The following BMPER variants were observed in gnomAD, a reference collection of about 807,000 sequenced individuals.
BMPER encodes the protein BMP-binding endothelial regulator protein.
In BMPER, 45 loss-of-function variants were observed where a neutral mutation model predicts 87.3. The ratio of observed to expected loss-of-function variants is 0.52; its 90% CI spans 0.41 to 0.66. BMPER has a LOEUF of 0.66. Ranked by LOEUF, BMPER falls within the 30% of genes least tolerant of loss-of-function variation. The probability of loss-of-function intolerance (pLI) is 0.00; values close to 1 mark genes in which losing one functional copy is unlikely to be tolerated. For missense variants in BMPER, 784 were observed against 867.5 expected (o/e 0.90, Z 1.21); for synonymous variants, 326 against 316.2 (o/e 1.03, Z -0.33).
chr7:34,024,033 T>C (rs1787272190), intron 6 of BMPER, among the ~76,000 whole-genome samples: 1 of 151,978 alleles, frequency 6.6e-6, no homozygotes, highest in Admixed American at 6.6e-5. Flanking sequence ...GGAAATTGGA[T>C]GGAAATCCTA....
Position 33,926,631 on chromosome 7 carries a change from C to G in BMPER, c.220-10658C>G, listed in dbSNP as rs867787899. Among the ~76,000 whole-genome samples, 3 of 152,186 alleles carry G rather than the reference C, an allele frequency of 2.0e-5. No homozygotes were observed. The South Asian group carries it at 6.2e-4, about 31-fold the overall frequency. On this transcript the variant is annotated intron_variant, in intron 2 of 14. Coordinates refer to ENST00000649409, the MANE Select transcript of BMPER (RefSeq NM_001365308.1). The stretch of plus-strand genomic sequence containing the variant: ...TACATTCTAAACTGAGGAAATAAAT[C>G]TGTGGCTTCTCCAGTTTTTTTCTGA...
At chr7:33,972,574 G>A (rs915716228) in intron 5 of BMPER, among the ~76,000 whole-genome samples, 3 of 152,024 alleles carry the variant, frequency 2.0e-5, no homozygotes, top group Admixed American at 6.6e-5. Context: ...AAGAGTAAGC[G>A]CCTGCCTGAG....
rs149481439 is a variant in BMPER, at chr7:34,059,672, T to G, written c.1032+1509T>G. ...CAGCAGGAGGTCTTTGGAAGATAAC[T>G]CAGCTCTATCTACCATGGAAATCTT... On this transcript the variant is annotated intron_variant, in intron 10 of 14. Transcript: ENST00000649409. Among the ~76,000 whole-genome samples the G allele has an allele frequency of 6.7e-3, 994 of 147,934 alleles. 11 individuals are homozygous for G. Among genetic ancestry groups the G allele is most frequent in the African/African-American group, 0.024 (958 of 39,778 alleles).
chr7:34,001,965 A>T (rs1786593486), intron 6 of BMPER, among the ~76,000 whole-genome samples: 2 of 151,678 alleles, frequency 1.3e-5, no homozygotes, highest in Admixed American at 1.3e-4. Flanking sequence ...TGTATTTTTG[A>T]ATTTCCCAAA....
chr7:34,013,033 C>G (rs1205524866), intron 6 of BMPER, among the ~76,000 whole-genome samples: 1 of 151,842 alleles, frequency 6.6e-6, no homozygotes, highest in African/African-American at 2.4e-5. Flanking sequence ...GAAACCCTGG[C>G]TCAACAACAG....
intron 6 of BMPER, among the ~76,000 whole-genome samples, chr7:34,013,384 C>G (rs1786933389): frequency 6.6e-6 from 1 of 151,718 alleles, no homozygotes; most frequent in African/African-American, 2.4e-5. Context: ...CTAGATCAAG[C>G]TTCTATTGTC....
In BMPER at chr7:34,083,035, T is replaced by G. The variant is rs559705262; in HGVS notation, c.1409-2721T>G. On this transcript the variant is annotated intron_variant, in intron 12 of 14. Transcript: ENST00000649409. ...TGACAGAGTGTATTACAAATCATCT[T>G]ATAGTTTGCTTGTCATCTTTCAAAA... Among the ~76,000 whole-genome samples, 4 of 152,216 alleles carry G rather than the reference T, an allele frequency of 2.6e-5. No individual in the cohort carries two copies. The South Asian group carries it at 8.3e-4, about 31-fold the overall frequency.
Position 33,938,626 on chromosome 7 carries a change from C to T in BMPER, c.319+1238C>T, listed in dbSNP as rs568536781. On this transcript the variant is annotated intron_variant, in intron 3 of 14. Transcript: ENST00000649409. ...TCTTCTAGTCTCCAGAACTGTGAGACAATAAATGTCTATTGTCCTAAGCCT... is the reference window on the plus strand; with the variant it reads ...TCTTCTAGTCTCCAGAACTGTGAGATAATAAATGTCTATTGTCCTAAGCCT... Among the ~76,000 whole-genome samples, 3 of 152,266 alleles carry T rather than the reference C, an allele frequency of 2.0e-5. No homozygotes were observed. The South Asian group carries it at 6.2e-4, about 32-fold the overall frequency.
In BMPER at chr7:34,144,384, G is replaced by A. The variant is rs1370254154; in HGVS notation, c.1876+1024G>A. 2.0e-5 allele frequency among the ~76,000 whole-genome samples: 3 copies of A among 151,212 alleles called. No individual in the cohort carries two copies. In the East Asian group the frequency reaches 5.8e-4, roughly 29 times the overall value. ...GAGTCTAGCTTTTATTCCAAGAGAA[G>A]TGGAAGCCTCTGATAGCTTGTAAGC... On this transcript the variant is annotated intron_variant, in intron 14 of 14. Transcript: ENST00000649409.
chr7:34,004,852 A>G (rs2127937460), intron 6 of BMPER, among the ~76,000 whole-genome samples: 1 of 152,136 alleles, frequency 6.6e-6, no homozygotes, highest in East Asian at 1.9e-4. Context: ...AAGGTTAGCC[A>G]GCAATAAGAG....
intron 6 of BMPER, among the ~76,000 whole-genome samples, chr7:34,032,380 A>G (rs78858385): frequency 0.012 from 1,814 of 152,198 alleles, 42 homozygotes; most frequent in African/African-American, 0.042. Flanking sequence ...AACATTTTAA[A>G]GTCATTATTT....
chr7:33,906,769 T>C, intron 1 of BMPER, 49 bp from the exon 2 acceptor site: 2 of 1,522,892 alleles, frequency 1.3e-6, no homozygotes, highest in Non-Finnish European at 1.8e-6. Context: ...GTTGAAATCA[T>C]GCTGCTAAGC....
At chr7:33,945,369 G>A (rs1439556636) in intron 3 of BMPER, among the ~76,000 whole-genome samples, 1 of 149,574 alleles carries the variant, frequency 6.7e-6, no homozygotes, top group Non-Finnish European at 1.5e-5. Flanking sequence ...TCTTGCCTCA[G>A]CCTCCTAAGC....
intron 12 of BMPER, among the ~76,000 whole-genome samples, chr7:34,080,477 T>A (rs973359304): frequency 6.6e-6 from 1 of 152,144 alleles, no homozygotes; most frequent in African/African-American, 2.4e-5. Flanking sequence ...GGGGAAAAGA[T>A]TCCTATTCTT....
intron 5 of BMPER, 44 bp from the exon 6 acceptor site, chr7:33,974,658 A>T (rs1562662700): frequency 6.3e-7 from 1 of 1,578,016 alleles, no homozygotes; most frequent in East Asian, 2.2e-5. Flanking sequence ...AGGTTGAACG[A>T]TGATGGCTGT....
chr7:34,113,736 A>G (rs1054145765), intron 13 of BMPER, among the ~76,000 whole-genome samples: 3 of 152,136 alleles, frequency 2.0e-5, no homozygotes, highest in African/African-American at 7.2e-5. Flanking sequence ...GTGTGATTTA[A>G]AGTGTCCCAT....
At chr7:33,917,243 G>A (rs1445709826) in intron 2 of BMPER, among the ~76,000 whole-genome samples, 3 of 152,118 alleles carry the variant, frequency 2.0e-5, no homozygotes, top group African/African-American at 7.2e-5. Context: ...TTTCAGTGAG[G>A]CTAACTCTGA....
chr7:34,039,786 A>G (rs548841809), intron 6 of BMPER, among the ~76,000 whole-genome samples: 2 of 152,228 alleles, frequency 1.3e-5, no homozygotes, highest in Admixed American at 6.5e-5. Context: ...GCTCTGGGGC[A>G]GTAAGTGCAC....
chr7:33,953,663 A>G (rs1449137113), intron 3 of BMPER, among the ~76,000 whole-genome samples: 2 of 152,152 alleles, frequency 1.3e-5, no homozygotes, highest in Non-Finnish European at 2.9e-5. Flanking sequence ...AAAATTTACC[A>G]TTTTGATCAT....
Sources: gnomAD v4.1 joint callset for allele counts (sites outside exome capture counted in the v4.1 genomes callset) on GRCh38, gnomAD v4.1.1 for gene constraint, MANE v1.5 for transcripts, NCBI Gene and HGNC (gene_info 2026-07-23, HGNC 2026-07-21) for gene names.